OR2A14: variants seen among roughly 807,000 people sequenced by gnomAD.
OR2A14 encodes the protein olfactory receptor 2A14.
In OR2A14, 2 loss-of-function variants were observed where a neutral mutation model predicts 2.4. The observed-to-expected ratio is 0.85, with a 90% CI of 0.35 to 2.67. The LOEUF (loss-of-function observed/expected upper bound fraction) is 2.67. Among genes scored for constraint, OR2A14 ranks in the 30% most tolerant of loss-of-function variants. The pLI, the probability that OR2A14 is intolerant of heterozygous loss-of-function variation, is 0.10. For missense variants in OR2A14, 390 were observed against 379.4 expected (o/e 1.03, Z -0.23); for synonymous variants, 160 against 156.3 (o/e 1.02, Z -0.18).
At chr7:144,124,702 T>C (rs946753374) in intron 1 of OR2A14, among the ~76,000 whole-genome samples, 1 of 152,110 alleles carries the variant, frequency 6.6e-6, no homozygotes, top group African/African-American at 2.4e-5. Context: ...TCCAAAAAAT[T>C]AATCCTCTCT....
chr7:144,125,610 C>T (rs910174949), intron 1 of OR2A14, among the ~76,000 whole-genome samples: 4 of 152,210 alleles, frequency 2.6e-5, no homozygotes, highest in Non-Finnish European at 5.9e-5. Context: ...AGACTTTTCT[C>T]CTTGTGGCCT....
intron 1 of OR2A14, among the ~76,000 whole-genome samples, chr7:144,123,961 T>C (rs777973089): frequency 6.6e-6 from 1 of 152,176 alleles, no homozygotes. Context: ...TCCCTAATTA[T>C]ATATCTAAAA....
At position 144,123,246 on chromosome 7, in the gene OR2A14, G is replaced by A. The variant is rs564119672; in HGVS notation, c.-53G>A. 6.6e-6 allele frequency: 1 copy of A among 152,272 alleles called. No homozygotes were observed. The highest frequency in any genetic ancestry group is 2.4e-5 in the African/African-American group (1 of 41,532). The allele number at this position is 152,272 out of a possible 1,614,324, so 9.4% of individuals were successfully genotyped here. A position where few individuals can be genotyped will look rare whatever the true frequency, so the allele number is the denominator to read the frequency against. ...AGCCCAAGGGTATGTTAGAAGAAAAGACCACAGATTATTGTACTGTAAGTA... is the reference window on the plus strand; with the variant it reads ...AGCCCAAGGGTATGTTAGAAGAAAAAACCACAGATTATTGTACTGTAAGTA... On this transcript the variant is annotated 5_prime_UTR_variant, in exon 1 of 2. Transcript: ENST00000641068.
chr7:144,124,841 T>TA (rs1436333154), intron 1 of OR2A14, among the ~76,000 whole-genome samples: 7 of 152,176 alleles, frequency 4.6e-5, no homozygotes, highest in African/African-American at 1.4e-4. Flanking sequence ...TTTTTAATTT[T>TA]AAAAATCAAA....
At chr7:144,125,426 C>A (rs1253163831) in intron 1 of OR2A14, among the ~76,000 whole-genome samples, 3 of 152,126 alleles carry the variant, frequency 2.0e-5, no homozygotes, top group Admixed American at 6.5e-5. Flanking sequence ...TATTGAACTT[C>A]CACAGGCTTT....
chr7:144,130,089 A>C lies in OR2A14; in HGVS notation c.*44A>C. The C allele has an allele frequency of 6.8e-7, 1 of 1,467,566 alleles. No homozygotes were observed. The highest frequency in any genetic ancestry group is 9.1e-7 in the Non-Finnish European group (1 of 1,095,696). 90.9% of individuals were successfully genotyped at this position (1,467,566 alleles called of 1,614,324 possible). ...ATGGGGAGGGAGCCTTGCTCCCTGCAAAATATAGAAGTTGGCTTTTTTTTT... is the reference window on the plus strand; with the variant it reads ...ATGGGGAGGGAGCCTTGCTCCCTGCCAAATATAGAAGTTGGCTTTTTTTTT... On this transcript the variant is annotated 3_prime_UTR_variant, in exon 2 of 2. Coordinates refer to ENST00000641068, the MANE Select transcript of OR2A14 (RefSeq NM_001001659.3).
At position 144,129,943 on chromosome 7, in the gene OR2A14, C is replaced by G; in HGVS notation, c.831C>G (p.Tyr277Ter). ...EEQQKVLSLF[Y>*]SLFNPMLNPL... ...AGCAGAAAGTTCTTTCCCTGTTTTA[C>G]AGCCTTTTCAATCCAATGCTGAACC... The change falls in exon 2 of 2, where the codon TAC (tyrosine) becomes TAG (stop). Residue 277 changes from tyrosine to a stop codon, truncating the protein, a stop_gained. Coordinates refer to ENST00000641068, the MANE Select transcript of OR2A14 (RefSeq NM_001001659.3). LOFTEE classifies it high-confidence loss of function. The G allele has an allele frequency of 1.2e-6, 2 of 1,614,212 alleles. No individual in the cohort carries two copies. Among genetic ancestry groups the G allele is most frequent in the Non-Finnish European group, 1.7e-6 (2 of 1,180,028 alleles).
In OR2A14 at chr7:144,129,394, T is replaced by C; in HGVS notation, c.282T>C (p.Phe94=). Residue 94 remains phenylalanine (F), a synonymous_variant, in exon 2 of 2, where the codon TTT becomes TTC. Coordinates refer to ENST00000641068, the MANE Select transcript of OR2A14 (RefSeq NM_001001659.3). ...ACCAGGAAAGCACCATCTCCTTTTT[T>C]CCATGCATAATGCAGACATTCTTGT... ...LMNQESTISF[F]PCIMQTFLYL... 2 of 1,614,208 alleles carry C rather than the reference T, an allele frequency of 1.2e-6. No homozygotes were observed. The highest frequency in any genetic ancestry group is 1.7e-6 in the Non-Finnish European group (2 of 1,180,020).
intron 1 of OR2A14, among the ~76,000 whole-genome samples, chr7:144,127,516 C>T (rs1205279546): frequency 6.6e-6 from 1 of 151,812 alleles, no homozygotes; most frequent in African/African-American, 2.4e-5. Flanking sequence ...TATCTCAATG[C>T]CAATAAAAAT....
intron 1 of OR2A14, among the ~76,000 whole-genome samples, chr7:144,125,654 C>T (rs999181524): frequency 6.6e-6 from 1 of 152,152 alleles, no homozygotes; most frequent in Non-Finnish European, 1.5e-5. Context: ...CAGTTGATAA[C>T]CAGAGTTTTA....
intron 1 of OR2A14, 117 bp from the exon 2 acceptor site, chr7:144,128,962 A>T (rs1047261097): frequency 8.0e-6 from 5 of 627,124 alleles, no homozygotes; most frequent in Non-Finnish European, 1.4e-5. Flanking sequence ...ATTTTTTCTC[A>T]TTTTTATGAG....
intron 1 of OR2A14, among the ~76,000 whole-genome samples, chr7:144,125,849 A>C (rs1313080268): frequency 6.6e-6 from 1 of 152,208 alleles, no homozygotes; most frequent in Non-Finnish European, 1.5e-5. Context: ...TTAATTATGA[A>C]TTTAGATTAA....
Position 144,130,001 on chromosome 7 carries a change from AAGGGCGCCCTGAGGAGGGCACTGAGG to A in OR2A14, c.891_916del (p.Ala299GlufsTer32). ...ATATAGCCTAAGGAATGCAGAGGTCAAGGGCGCCCTGAGGAGGGCACTGAGGAAGGAGAGGCTGACGTGAGACATCT... is the reference window on the plus strand; with the variant it reads ...ATATAGCCTAAGGAATGCAGAGGTCAAAGGAGAGGCTGACGTGAGACATCT... On this transcript the variant is annotated frameshift_variant, in exon 2 of 2. Transcript: ENST00000641068. LOFTEE classifies it low-confidence loss of function (END_TRUNC). The A allele has an allele frequency of 6.2e-7, 1 of 1,614,092 alleles. No homozygotes were observed. Among genetic ancestry groups the A allele is most frequent in the East Asian group, 2.2e-5 (1 of 44,880 alleles).
chr7:144,127,370 G>C (rs1359720353), intron 1 of OR2A14, among the ~76,000 whole-genome samples: 1 of 152,216 alleles, frequency 6.6e-6, no homozygotes, highest in Non-Finnish European at 1.5e-5. Context: ...CAATTGGTCA[G>C]ATTTTCTAGA....
At chr7:144,127,197 A>G (rs2051487844) in intron 1 of OR2A14, among the ~76,000 whole-genome samples, 1 of 152,244 alleles carries the variant, frequency 6.6e-6, no homozygotes, top group African/African-American at 2.4e-5. Flanking sequence ...TGGCTGAAAC[A>G]GATCATGCAC....
rs1469801888 is a variant in OR2A14, at chr7:144,129,330, C to A, written c.218C>A (p.Ala73Asp). The A allele has an allele frequency of 1.2e-6, 2 of 1,614,204 alleles. No homozygotes were observed. Among genetic ancestry groups the A allele is most frequent in the East Asian group, 2.2e-5 (1 of 44,892 alleles). The change falls in exon 2 of 2, where the codon GCT (alanine) becomes GAT (aspartate). Residue 73 changes from alanine (A) to aspartate (D), a missense_variant. Coordinates refer to ENST00000641068, the MANE Select transcript of OR2A14 (RefSeq NM_001001659.3). ...CTGGCCATTGTTGACATATCCTATG[C>A]TTCCAACTATGTCCCCAAGATGCTG... ...SHLAIVDISY[A>D]SNYVPKMLTN...
At chr7:144,124,087 T>C (rs1013823543) in intron 1 of OR2A14, among the ~76,000 whole-genome samples, 2 of 152,126 alleles carry the variant, frequency 1.3e-5, no homozygotes, top group African/African-American at 4.8e-5. Flanking sequence ...CACAGAGAAG[T>C]CATAAAGCTA....
At chr7:144,127,345 T>C (rs540445214) in intron 1 of OR2A14, among the ~76,000 whole-genome samples, 93 of 152,320 alleles carry the variant, frequency 6.1e-4, no homozygotes, top group Non-Finnish European at 8.8e-4. Flanking sequence ...TCTTACACAC[T>C]GTGGGAGGGA....
At chr7:144,125,021 T>G (rs2961158) in intron 1 of OR2A14, among the ~76,000 whole-genome samples, 80,687 of 151,988 alleles carry the variant, frequency 0.53, 21,771 homozygotes, top group East Asian at 0.74. Flanking sequence ...TTTTACGATC[T>G]CTTTAATATC....
Sources: gnomAD v4.1 joint callset for allele counts (sites outside exome capture counted in the v4.1 genomes callset) on GRCh38, gnomAD v4.1.1 for gene constraint, MANE v1.5 for transcripts, NCBI Gene and HGNC (gene_info 2026-07-23, HGNC 2026-07-21) for gene names.